Variants in GALNTL6 observed in about 807,000 individuals in gnomAD.
The protein encoded by GALNTL6 is polypeptide N-acetylgalactosaminyltransferase like 6, also known as polypeptide N-acetylgalactosaminyltransferase-like 6.
GALNTL6 carries 46 observed loss-of-function variants against 73.7 expected under a neutral mutation model. The ratio of observed to expected loss-of-function variants is 0.62; its 90% confidence interval spans 0.49 to 0.80. The LOEUF (loss-of-function observed/expected upper bound fraction) is 0.80, where lower values mean the gene tolerates loss of function less well. GALNTL6 is among the 30% of genes least tolerant of loss of function. The pLI is 0.00. For missense variants in GALNTL6, 604 were observed against 755.0 expected, an observed-to-expected ratio of 0.80 and a Z score of 2.34; for synonymous variants, 259 against 263.7, an observed-to-expected ratio of 0.98 and a Z score of 0.17.
chr4:172,271,351 T>C (rs1366868952), intron 3 of GALNTL6, among the ~76,000 whole-genome samples: 1 of 152,142 alleles, frequency 6.6e-6, no homozygotes, highest in African/African-American at 2.4e-5. Flanking sequence ...TATATATGTT[T>C]ACATATAGAC....
intron 2 of GALNTL6, among the ~76,000 whole-genome samples, chr4:171,910,046 G>A (rs74712589): frequency 0.022 from 3,325 of 152,092 alleles, 95 homozygotes; most frequent in African/African-American, 0.071. Context: ...TATTCTGCAA[G>A]CTTTATTATA....
chr4:172,098,016 G>A (rs767257207), intron 2 of GALNTL6, among the ~76,000 whole-genome samples: 3 of 152,042 alleles, frequency 2.0e-5, no homozygotes, highest in Non-Finnish European at 2.9e-5. Flanking sequence ...GGACATGACA[G>A]TAAGCATTAT....
chr4:172,164,512 T>C (rs1057224533), intron 2 of GALNTL6, among the ~76,000 whole-genome samples: 5 of 152,060 alleles, frequency 3.3e-5, no homozygotes, highest in African/African-American at 1.2e-4. Context: ...TATACTTTAT[T>C]AGTCACCTTT....
rs1456335084 is a variant in GALNTL6, at chr4:172,126,667, C to G, written c.139-102989C>G. ...CCCTAGACCCTCGGAGTCCCTGAGACTAACATAGGAGGCTGCTTGGAGACC... is the reference window on the plus strand; with the variant it reads ...CCCTAGACCCTCGGAGTCCCTGAGAGTAACATAGGAGGCTGCTTGGAGACC... On this transcript the variant is annotated intron_variant, in intron 2 of 12. Transcript: ENST00000506823. Among the ~76,000 whole-genome samples, 4 of 152,148 alleles carry G rather than the reference C, an allele frequency of 2.6e-5. No individual in the cohort carries two copies. In the East Asian group the frequency reaches 7.7e-4, roughly 29 times the overall value.
intron 5 of GALNTL6, among the ~76,000 whole-genome samples, chr4:172,514,816 C>T (rs1734545599): frequency 6.6e-6 from 1 of 152,144 alleles, no homozygotes; most frequent in Admixed American, 6.5e-5. Flanking sequence ...TTTTACTCAG[C>T]TCTCTAAATT....
At chr4:172,995,623 G>A (rs766676860) in intron 10 of GALNTL6, among the ~76,000 whole-genome samples, 38 of 152,168 alleles carry the variant, frequency 2.5e-4, no homozygotes, top group African/African-American at 6.3e-4. Flanking sequence ...GAAGTCTCAC[G>A]GTGAAGTTTT....
intron 2 of GALNTL6, among the ~76,000 whole-genome samples, chr4:172,215,669 A>C (rs1736472569): frequency 6.6e-6 from 1 of 152,124 alleles, no homozygotes; most frequent in African/African-American, 2.4e-5. Flanking sequence ...TATCCACTCT[A>C]AAAATCTCTG....
intron 2 of GALNTL6, among the ~76,000 whole-genome samples, chr4:172,058,757 C>G (rs1731106262): frequency 6.6e-6 from 1 of 152,078 alleles, no homozygotes; most frequent in Admixed American, 6.5e-5. Context: ...GTATAATGAT[C>G]AAATGGCAAT....
intron 2 of GALNTL6, among the ~76,000 whole-genome samples, chr4:171,822,875 G>A (rs1482699085): frequency 6.6e-6 from 1 of 152,128 alleles, no homozygotes; most frequent in Non-Finnish European, 1.5e-5. Context: ...TTTAGAAGAG[G>A]TAAAAAATAT....
chr4:172,751,707 A>G (rs1278969863), intron 5 of GALNTL6, among the ~76,000 whole-genome samples: 1 of 152,222 alleles, frequency 6.6e-6, no homozygotes, highest in Non-Finnish European at 1.5e-5. Flanking sequence ...CATCCACAAG[A>G]CACAAAAGCC....
chr4:172,414,493 A>C (rs991275945), intron 5 of GALNTL6, among the ~76,000 whole-genome samples: 6 of 152,168 alleles, frequency 3.9e-5, no homozygotes, highest in Non-Finnish European at 1.5e-5. Flanking sequence ...CTTTCAATAT[A>C]GAATGAAGGA....
intron 5 of GALNTL6, among the ~76,000 whole-genome samples, chr4:172,550,997 A>T (rs754309642): frequency 1.3e-5 from 2 of 152,196 alleles, no homozygotes; most frequent in African/African-American, 4.8e-5. Context: ...GACAGGGTTG[A>T]GAACTTCTTA....
chr4:172,168,832 T>C (rs1214613326), intron 2 of GALNTL6, among the ~76,000 whole-genome samples: 1 of 152,224 alleles, frequency 6.6e-6, no homozygotes, highest in Non-Finnish European at 1.5e-5. Flanking sequence ...CCTACAAATA[T>C]TTTCGATGTC....
At chr4:172,167,236 A>C (rs1470793577) in intron 2 of GALNTL6, among the ~76,000 whole-genome samples, 1 of 152,252 alleles carries the variant, frequency 6.6e-6, no homozygotes, top group Non-Finnish European at 1.5e-5. Flanking sequence ...TTCTATATGC[A>C]GAATTCATTA....
chr4:172,129,875 A>T (rs1187165180), intron 2 of GALNTL6, among the ~76,000 whole-genome samples: 1 of 152,184 alleles, frequency 6.6e-6, no homozygotes, highest in Non-Finnish European at 1.5e-5. Flanking sequence ...AGGGGTTGCC[A>T]ATTTGTCTGA....
intron 5 of GALNTL6, among the ~76,000 whole-genome samples, chr4:172,385,777 A>G (rs1743443528): frequency 6.6e-6 from 1 of 151,956 alleles, no homozygotes; most frequent in Non-Finnish European, 1.5e-5. Context: ...TACTGGTAAG[A>G]TAGAATTTGT....
intron 5 of GALNTL6, among the ~76,000 whole-genome samples, chr4:172,647,430 G>A (rs568305857): frequency 1.3e-5 from 2 of 152,154 alleles, no homozygotes; most frequent in South Asian, 4.2e-4. Context: ...TTGCTGAAAG[G>A]TTGGGATAGG....
chr4:171,995,610 T>C (rs531915858), intron 2 of GALNTL6, among the ~76,000 whole-genome samples: 2 of 152,110 alleles, frequency 1.3e-5, no homozygotes, highest in Non-Finnish European at 2.9e-5. Flanking sequence ...AAAGAATACA[T>C]TAGTATAAGA....
chr4:172,596,460 G>GAA lies in GALNTL6; in HGVS notation c.554-212890_554-212889dup, dbSNP rs35054572. On this transcript the variant is annotated intron_variant, in intron 5 of 12. Coordinates refer to ENST00000506823, the MANE Select transcript of GALNTL6 (RefSeq NM_001034845.3). The stretch of plus-strand genomic sequence containing the variant: ...ACATTGTCTCTCAAAAAAAAAAAAA[G>GAA]AAAAAAAAAAAAGTGTGACCAAGAT... Among the ~76,000 whole-genome samples, 463 of 140,406 alleles carry GAA rather than the reference G, an allele frequency of 3.3e-3. 3 individuals carry two copies. The highest frequency in any genetic ancestry group is 0.024 in the South Asian group (110 of 4,528). 92.1% of individuals were successfully genotyped at this position (140,406 alleles called of 152,430 possible).
Sources: gnomAD v4.1 joint callset for allele counts (sites outside exome capture counted in the v4.1 genomes callset) on GRCh38, gnomAD v4.1.1 for gene constraint, MANE v1.5 for transcripts, NCBI Gene and HGNC (gene_info 2026-07-23, HGNC 2026-07-21) for gene names.